Variants in KITLG observed in about 807,000 individuals in gnomAD.
The protein encoded by KITLG is c-Kit ligand.
KITLG carries 13 observed loss-of-function variants against 34.1 expected under a neutral mutation model. That is an observed-to-expected ratio of 0.38 (90% CI 0.25 to 0.61). The LOEUF is 0.61. Ranked by LOEUF, KITLG falls within the 20% of genes least tolerant of loss-of-function variation. The pLI is 0.60. For synonymous variants in KITLG, 110 were observed against 104.0 expected (o/e 1.06, Z -0.35); for missense variants, 292 against 318.9 (o/e 0.92, Z 0.64).
intron 3 of KITLG, among the ~76,000 whole-genome samples, chr12:88,527,589 T>C (rs1869924400): frequency 6.6e-6 from 1 of 152,220 alleles, no homozygotes; most frequent in South Asian, 2.1e-4. Context: ...GTATCATCAA[T>C]AGATGCTAAA....
chr12:88,534,545 T>G, intron 2 of KITLG: 1 of 382,022 alleles, frequency 2.6e-6, no homozygotes, highest in Non-Finnish European at 5.0e-6. Flanking sequence ...TTTTGTATTT[T>G]TAGCAGAGAC....
In KITLG at chr12:88,555,075, CA is replaced by C. The variant is rs879847154; in HGVS notation, c.16-9211del. 5.2e-4 allele frequency among the ~76,000 whole-genome samples: 78 copies of C among 149,928 alleles called. 1 individual carries two copies. The highest frequency in any genetic ancestry group is 3.5e-3 in the Middle Eastern group (1 of 286). On this transcript the variant is annotated intron_variant, in intron 1 of 9. Transcript: ENST00000644744. ...ATATGTAATGAATATGCTCTTATAA[CA>C]AAAAAAAACTAGAAAGAAGTTGCTT...
At chr12:88,561,414 T>G (rs759177115) in intron 1 of KITLG, among the ~76,000 whole-genome samples, 9 of 152,272 alleles carry the variant, frequency 5.9e-5, no homozygotes, top group Middle Eastern at 3.4e-3. Flanking sequence ...TTTCCACATC[T>G]GATCATATTT....
intron 2 of KITLG, among the ~76,000 whole-genome samples, chr12:88,533,032 T>C (rs1870158403): frequency 6.6e-6 from 1 of 152,172 alleles, no homozygotes; most frequent in South Asian, 2.1e-4. Context: ...AACTATTTTA[T>C]GTTGAACCTA....
intron 1 of KITLG, among the ~76,000 whole-genome samples, chr12:88,560,728 G>A (rs933530855): frequency 6.6e-6 from 1 of 152,178 alleles, no homozygotes; most frequent in Admixed American, 6.5e-5. Context: ...CCAGCACTTT[G>A]GGAGGCTGAG....
intron 2 of KITLG, among the ~76,000 whole-genome samples, chr12:88,536,010 G>A (rs550811259): frequency 3.3e-5 from 5 of 152,174 alleles, no homozygotes; most frequent in African/African-American, 1.2e-4. Context: ...TTATGACTAA[G>A]TCCTCAAAAG....
At chr12:88,558,523 A>C (rs1183745258) in intron 1 of KITLG, among the ~76,000 whole-genome samples, 2 of 152,232 alleles carry the variant, frequency 1.3e-5, no homozygotes, top group African/African-American at 2.4e-5. Context: ...GGCTTTGCGA[A>C]TTATGCAATG....
At chr12:88,532,323 C>A in intron 3 of KITLG, 118 bp downstream of exon 3, 1 of 795,492 alleles carries the variant, frequency 1.3e-6, no homozygotes. Context: ...AAGATAAATT[C>A]TTCAAATCCT....
chr12:88,555,179 G>A (rs1871055847), intron 1 of KITLG, among the ~76,000 whole-genome samples: 1 of 152,164 alleles, frequency 6.6e-6, no homozygotes, highest in African/African-American at 2.4e-5. Flanking sequence ...GGTATTCAAT[G>A]CATGAGAAAA....
intron 1 of KITLG, among the ~76,000 whole-genome samples, chr12:88,578,072 A>G (rs1871889820): frequency 1.3e-5 from 2 of 152,194 alleles, no homozygotes; most frequent in African/African-American, 2.4e-5. Context: ...TTAATGTCCA[A>G]TTTACATAGG....
intron 1 of KITLG, among the ~76,000 whole-genome samples, chr12:88,550,270 T>C (rs1049035209): frequency 1.3e-5 from 2 of 152,060 alleles, no homozygotes; most frequent in African/African-American, 4.8e-5. Flanking sequence ...TGTAAGAAGG[T>C]TGAAATACCA....
chr12:88,563,022 G>A (rs1326894259), intron 1 of KITLG, among the ~76,000 whole-genome samples: 1 of 152,190 alleles, frequency 6.6e-6, no homozygotes, highest in Non-Finnish European at 1.5e-5. Flanking sequence ...AAGTTCACTG[G>A]AAGTCTCTGA....
At chr12:88,545,298 C>T (rs3782175) in intron 2 of KITLG, among the ~76,000 whole-genome samples, 11,990 of 152,278 alleles carry the variant, frequency 0.079, 514 homozygotes, top group Non-Finnish European at 0.1. Context: ...TGACATGTGA[C>T]AGGGTCTTCC....
intron 9 of KITLG, among the ~76,000 whole-genome samples, chr12:88,500,920 T>C (rs1868828578): frequency 1.3e-5 from 2 of 152,012 alleles, no homozygotes; most frequent in Admixed American, 1.3e-4. Flanking sequence ...GCTGAGACCA[T>C]AGGTGCATAC....
intron 3 of KITLG, among the ~76,000 whole-genome samples, chr12:88,523,463 C>T (rs1364260965): frequency 2.0e-5 from 3 of 152,300 alleles, no homozygotes; most frequent in East Asian, 1.9e-4. Context: ...TGTGGTCTCA[C>T]GTCTGGACCA....
At position 88,552,762 on chromosome 12, in the gene KITLG, T is replaced by TA. The variant is rs930342083; in HGVS notation, c.16-6898dup. 1.1e-3 allele frequency among the ~76,000 whole-genome samples: 168 copies of TA among 146,802 alleles called. 2 individuals are homozygous for TA. Among genetic ancestry groups the TA allele is most frequent in the Middle Eastern group, 3.5e-3 (1 of 288 alleles). On this transcript the variant is annotated intron_variant, in intron 1 of 9. Coordinates refer to ENST00000644744, the MANE Select transcript of KITLG (RefSeq NM_000899.5). ...AAGGTTTCCAAGGGCAAGAAGAAAT[T>TA]AAAAAAAAAAAACGCTTTTGGAAAC... is the stretch of plus-strand genomic sequence containing the variant.
intron 9 of KITLG, among the ~76,000 whole-genome samples, chr12:88,504,445 G>A (rs1868973886): frequency 6.6e-6 from 1 of 152,080 alleles, no homozygotes; most frequent in African/African-American, 2.4e-5. Context: ...ATCAAAAAGT[G>A]GGCGAAGGAT....
intron 2 of KITLG, among the ~76,000 whole-genome samples, chr12:88,544,564 C>T (rs1246728849): frequency 3.3e-5 from 5 of 151,350 alleles, no homozygotes; most frequent in Non-Finnish European, 7.4e-5. Flanking sequence ...CAATAGCTAA[C>T]TGGGTATATA....
intron 3 of KITLG, among the ~76,000 whole-genome samples, chr12:88,521,128 C>A (rs1019725890): frequency 1.3e-5 from 2 of 152,100 alleles, no homozygotes; most frequent in African/African-American, 4.8e-5. Context: ...AAGGCTGAAT[C>A]ATAAATTCAA....
Sources: allele counts gnomAD v4.1 joint callset (sites outside exome capture counted in the v4.1 genomes callset), GRCh38; gene constraint gnomAD v4.1.1; transcripts MANE v1.5; gene names NCBI Gene and HGNC (gene_info 2026-07-23, HGNC 2026-07-21).